COL24A1: variants seen among roughly 807,000 people sequenced by gnomAD.
COL24A1 encodes the protein collagen alpha-1(XXIV) chain.
Under a neutral mutation model 253.9 loss-of-function variants are expected in COL24A1, and 224 were observed. That is an observed-to-expected ratio of 0.88 (90% CI 0.79 to 0.99). COL24A1 has a LOEUF of 0.99. Among genes scored for constraint, COL24A1 ranks in the 50% least tolerant of loss-of-function variants. The probability of loss-of-function intolerance (pLI) is 0.00; values close to 1 mark genes in which losing one functional copy is unlikely to be tolerated. For missense variants in COL24A1, 2,131 were observed against 2,068.5 expected (o/e 1.03, Z -0.59); for synonymous variants, 685 against 673.7 (o/e 1.02, Z -0.26).
intron 48 of COL24A1, among the ~76,000 whole-genome samples, chr1:85,785,014 A>G (rs1669533703): frequency 6.6e-6 from 1 of 152,128 alleles, no homozygotes; most frequent in African/African-American, 2.4e-5. Flanking sequence ...TACAAGTGTG[A>G]GCCACTGTGC....
Position 85,911,376 on chromosome 1 carries a change from T to G in COL24A1, c.2616+4A>C. 6.2e-7 allele frequency: 1 copy of G among 1,610,194 alleles called. No homozygotes were observed. The highest frequency in any genetic ancestry group is 1.7e-5 in the Admixed American group (1 of 59,232). The stretch of plus-strand genomic sequence containing the variant: ...ATAAAACAAAATAATTCTTAAAAAA[T>G]TACCTTTTCGCCAATGCTTCCAGTC... On this transcript the variant is annotated splice_donor_region_variant and intron_variant, in intron 25 of 59. Transcript: ENST00000370571.
chr1:85,921,736 A>C (rs1414546619), intron 24 of COL24A1, among the ~76,000 whole-genome samples: 2 of 152,210 alleles, frequency 1.3e-5, no homozygotes, highest in African/African-American at 2.4e-5. Flanking sequence ...GAAAAGCTAA[A>C]AATTCCACAG....
intron 2 of COL24A1, among the ~76,000 whole-genome samples, chr1:86,144,863 A>T (rs961532881): frequency 2.6e-5 from 4 of 152,140 alleles, no homozygotes; most frequent in Non-Finnish European, 5.9e-5. Flanking sequence ...CACAGTGACT[A>T]GTAGCTCATA....
intron 43 of COL24A1, among the ~76,000 whole-genome samples, chr1:85,826,151 AG>A: frequency 7.1e-6 from 1 of 141,294 alleles, no homozygotes; most frequent in Non-Finnish European, 1.6e-5. Context: ...ATGGCTAGCC[AG>A]TTTTCCTAGC....
At chr1:86,047,701 T>C (rs971456391) in intron 11 of COL24A1, among the ~76,000 whole-genome samples, 2 of 151,998 alleles carry the variant, frequency 1.3e-5, no homozygotes, top group Non-Finnish European at 2.9e-5. Context: ...TTTATTAAAA[T>C]TTTTTATATA....
chr1:85,939,004 C>T (rs1688487368), intron 24 of COL24A1, among the ~76,000 whole-genome samples: 1 of 152,076 alleles, frequency 6.6e-6, no homozygotes, highest in Non-Finnish European at 1.5e-5. Context: ...CTAATAAATA[C>T]CCTGTAGCGA....
chr1:85,871,867 G>A (rs1295709115), intron 35 of COL24A1, among the ~76,000 whole-genome samples: 1 of 152,160 alleles, frequency 6.6e-6, no homozygotes. Flanking sequence ...GCAGGAGAAA[G>A]AAATAAAGGG....
chr1:86,014,638 G>C (rs1169959961), intron 19 of COL24A1, among the ~76,000 whole-genome samples: 1 of 146,808 alleles, frequency 6.8e-6, no homozygotes, highest in Admixed American at 6.8e-5. Context: ...TCTATTTTTG[G>C]AATGATGATC....
At chr1:86,081,597 C>G (rs1350960339) in intron 7 of COL24A1, among the ~76,000 whole-genome samples, 13 of 152,062 alleles carry the variant, frequency 8.5e-5, no homozygotes, top group Non-Finnish European at 1.2e-4. Context: ...AACAAGGAAG[C>G]AACGCAACTT....
intron 38 of COL24A1, among the ~76,000 whole-genome samples, chr1:85,848,088 G>T (rs1295462869): frequency 6.6e-6 from 1 of 152,056 alleles, no homozygotes; most frequent in Non-Finnish European, 1.5e-5. Flanking sequence ...GTTACTATAA[G>T]AAATCATAAG....
chr1:86,100,449 A>T (rs1704349080), intron 5 of COL24A1, among the ~76,000 whole-genome samples: 1 of 152,128 alleles, frequency 6.6e-6, no homozygotes, highest in East Asian at 1.9e-4. Flanking sequence ...ACCATTTTTT[A>T]AAATAATGAT....
At chr1:85,820,819 CT>C (rs762337548) in intron 45 of COL24A1, among the ~76,000 whole-genome samples, 7 of 152,170 alleles carry the variant, frequency 4.6e-5, no homozygotes, top group Non-Finnish European at 1.0e-4. Context: ...TGAAAGGCTT[CT>C]GTTCATTGGG....
chr1:85,942,946 G>T (rs1404450941), intron 24 of COL24A1, among the ~76,000 whole-genome samples: 1 of 152,156 alleles, frequency 6.6e-6, no homozygotes. Context: ...ACCTGGTAAA[G>T]CATTACTTTG....
chr1:86,049,424 T>C (rs1336277098), intron 11 of COL24A1, among the ~76,000 whole-genome samples: 1 of 152,194 alleles, frequency 6.6e-6, no homozygotes, highest in Non-Finnish European at 1.5e-5. Flanking sequence ...TGAACTACAT[T>C]CTTATAATGA....
intron 33 of COL24A1, among the ~76,000 whole-genome samples, chr1:85,876,605 AG>A (rs1329859031): frequency 6.6e-6 from 1 of 152,208 alleles, no homozygotes; most frequent in Non-Finnish European, 1.5e-5. Flanking sequence ...AGGAAGTAAA[AG>A]GGCAACTTCA....
intron 3 of COL24A1, among the ~76,000 whole-genome samples, chr1:86,119,072 A>G (rs534844253): frequency 6.6e-6 from 1 of 152,292 alleles, no homozygotes; most frequent in East Asian, 1.9e-4. Context: ...TTAAAAGAAC[A>G]CTAGAGAATT....
intron 19 of COL24A1, among the ~76,000 whole-genome samples, chr1:85,997,031 A>G (rs12030161): frequency 0.38 from 39,969 of 104,316 alleles, 7,667 homozygotes; most frequent in East Asian, 0.58. Context: ...GTGTGTGTAT[A>G]TATATATATA....
chr1:85,970,171 T>C (rs1234433408), intron 22 of COL24A1, 56 bp downstream of exon 22: 11 of 1,429,146 alleles, frequency 7.7e-6, no homozygotes, highest in African/African-American at 1.5e-5. Context: ...AAAACATTTA[T>C]AGAACAGCTA....
chr1:86,042,340 A>G (rs754415320), intron 12 of COL24A1, among the ~76,000 whole-genome samples: 12 of 152,134 alleles, frequency 7.9e-5, no homozygotes, highest in Non-Finnish European at 1.8e-4. Flanking sequence ...AACAAAAACA[A>G]TTCTCCTACT....
Sources: allele counts gnomAD v4.1 joint callset (sites outside exome capture counted in the v4.1 genomes callset), GRCh38; gene constraint gnomAD v4.1.1; transcripts MANE v1.5; gene names NCBI Gene and HGNC (gene_info 2026-07-23, HGNC 2026-07-21).